BASP1: variants seen among roughly 807,000 people sequenced by gnomAD.
BASP1 encodes brain acid soluble protein 1.
A neutral mutation model predicts 2.2 loss-of-function variants in BASP1; 1 was observed. The ratio of observed to expected loss-of-function variants is 0.46; its 90% CI spans 0.16 to 2.17. The LOEUF (loss-of-function observed/expected upper bound fraction) is 2.17. Among genes scored for constraint, BASP1 ranks in the 30% most tolerant of loss-of-function variants. The pLI, the probability that BASP1 is intolerant of heterozygous loss-of-function variation, is 0.27. For missense variants in BASP1, 352 were observed against 327.2 expected (o/e 1.08, Z -0.58); for synonymous variants, 187 against 154.2 (o/e 1.21, Z -1.58).
At chr5:17,228,369 C>T (rs1005052750) in intron 1 of BASP1, among the ~76,000 whole-genome samples, 19 of 152,190 alleles carry the variant, frequency 1.2e-4, no homozygotes, top group Non-Finnish European at 2.9e-5. Flanking sequence ...GGTTCCACTA[C>T]GGTAAGAACT....
At chr5:17,229,983 C>T (rs1284959661) in intron 1 of BASP1, among the ~76,000 whole-genome samples, 1 of 152,076 alleles carries the variant, frequency 6.6e-6, no homozygotes, top group Non-Finnish European at 1.5e-5. Flanking sequence ...TAGGGTTTCA[C>T]CATCTTGGCC....
At chr5:17,231,349 A>C (rs762023790) in intron 1 of BASP1, among the ~76,000 whole-genome samples, 1 of 152,050 alleles carries the variant, frequency 6.6e-6, no homozygotes, top group Non-Finnish European at 1.5e-5. Context: ...CTCTACTTGA[A>C]GCCATTAATC....
intron 1 of BASP1, among the ~76,000 whole-genome samples, chr5:17,244,227 C>G (rs527435179): frequency 6.6e-6 from 1 of 152,250 alleles, no homozygotes; most frequent in Middle Eastern, 3.4e-3. Context: ...TAAATTAGTC[C>G]ATGCCAGTGT....
chr5:17,251,610 T>C lies in BASP1; in HGVS notation c.-9-23598T>C, dbSNP rs1389813025. On this transcript the variant is annotated intron_variant, in intron 1 of 1. Transcript: ENST00000322611. This position sits in a 1 kb window ranked among gnomAD's most constrained non-coding sequence, Gnocchi z 4.0. The stretch of plus-strand genomic sequence containing the variant: ...TCAGAAGGCCATGCAGTATTTCAGC[T>C]CATATTTTGTTTTCTAGCACCTAGC... 6.6e-6 allele frequency among the ~76,000 whole-genome samples: 1 copy of C among 152,166 alleles called. No homozygotes were observed. The highest frequency in any genetic ancestry group is 6.5e-5 in the Admixed American group (1 of 15,280).
At chr5:17,262,463 T>A (rs998225962) in intron 1 of BASP1, among the ~76,000 whole-genome samples, 1 of 152,244 alleles carries the variant, frequency 6.6e-6, no homozygotes, top group Non-Finnish European at 1.5e-5. Flanking sequence ...ATTTATCTCC[T>A]ATGTGTCTTT....
chr5:17,271,960 G>A (rs916434774), intron 1 of BASP1, among the ~76,000 whole-genome samples: 2 of 151,816 alleles, frequency 1.3e-5, no homozygotes, highest in Admixed American at 1.3e-4. Flanking sequence ...TCAGCTACTC[G>A]GGAGGCTGGG....
intron 1 of BASP1, among the ~76,000 whole-genome samples, chr5:17,262,105 A>G (rs1241855913): frequency 6.6e-6 from 1 of 151,848 alleles, no homozygotes; most frequent in Non-Finnish European, 1.5e-5. Flanking sequence ...TCTAACTCCT[A>G]CAAGAGCTGT....
intron 1 of BASP1, among the ~76,000 whole-genome samples, chr5:17,244,926 C>T (rs190574168): frequency 0.013 from 2,033 of 150,776 alleles, 37 homozygotes; most frequent in Middle Eastern, 0.076. Flanking sequence ...CCACCCGCCT[C>T]GGCCTCCCAA....
At chr5:17,237,693 C>A (rs947516837) in intron 1 of BASP1, among the ~76,000 whole-genome samples, 10 of 151,250 alleles carry the variant, frequency 6.6e-5, no homozygotes, top group African/African-American at 2.4e-4. Flanking sequence ...TCACTGTAAC[C>A]TCCACCTCTT....
chr5:17,250,850 C>T (rs941960079), intron 1 of BASP1, among the ~76,000 whole-genome samples: 7 of 151,932 alleles, frequency 4.6e-5, no homozygotes, highest in African/African-American at 1.7e-4. Context: ...GTGATCCGCC[C>T]GCCTCGGCCT....
chr5:17,265,338 A>T (rs1740398053), intron 1 of BASP1, among the ~76,000 whole-genome samples: 1 of 152,222 alleles, frequency 6.6e-6, no homozygotes, highest in Non-Finnish European at 1.5e-5. Context: ...TAAATAATGG[A>T]TGTAACCAAC....
At chr5:17,246,909 C>T (rs915134964) in intron 1 of BASP1, among the ~76,000 whole-genome samples, 5 of 152,080 alleles carry the variant, frequency 3.3e-5, no homozygotes, top group Admixed American at 1.3e-4. Context: ...GTCATTTGGC[C>T]GTTGCAGTGG....
intron 1 of BASP1, among the ~76,000 whole-genome samples, chr5:17,246,546 C>A (rs998446115): frequency 6.6e-6 from 1 of 151,952 alleles, no homozygotes; most frequent in Non-Finnish European, 1.5e-5. Context: ...GAGATGTGGC[C>A]GCCCCGAAAA....
intron 1 of BASP1, among the ~76,000 whole-genome samples, chr5:17,223,108 C>A (rs910453852): frequency 1.3e-5 from 2 of 151,368 alleles, no homozygotes; most frequent in African/African-American, 2.4e-5. Context: ...GTAGATATTT[C>A]AGCAATTTGT....
intron 1 of BASP1, among the ~76,000 whole-genome samples, chr5:17,218,325 G>A (rs535291396): frequency 3.2e-4 from 49 of 152,080 alleles, no homozygotes; most frequent in African/African-American, 1.2e-3. Context: ...TGGGGAATCT[G>A]GCCCGATCAG....
At chr5:17,234,375 C>T (rs1487213643) in intron 1 of BASP1, among the ~76,000 whole-genome samples, 1 of 151,274 alleles carries the variant, frequency 6.6e-6, no homozygotes. Context: ...CATTTGAAGC[C>T]GTAAGTAAAA....
rs1375370305 is a variant in BASP1, at chr5:17,276,051, G to C, written c.*151G>C. On this transcript the variant is annotated 3_prime_UTR_variant, in exon 2 of 2. Coordinates refer to ENST00000322611, the MANE Select transcript of BASP1 (RefSeq NM_006317.5). ...TCCTATACTAACTTGTTTCAAATTGGAAGTAATGATATGTATTGCCCAAGG... is the reference window on the plus strand; with the variant it reads ...TCCTATACTAACTTGTTTCAAATTGCAAGTAATGATATGTATTGCCCAAGG... 6.6e-6 allele frequency: 3 copies of C among 455,662 alleles called. No homozygotes were observed. The highest frequency in any genetic ancestry group is 6.4e-6 in the Non-Finnish European group (2 of 312,432). The allele number at this position is 455,662 out of a possible 1,614,324, so 28.2% of individuals were successfully genotyped here. A position where few individuals can be genotyped will look rare whatever the true frequency, so the allele number is the denominator to read the frequency against.
intron 1 of BASP1, among the ~76,000 whole-genome samples, chr5:17,245,853 A>C (rs1739974922): frequency 6.6e-6 from 1 of 152,208 alleles, no homozygotes; most frequent in South Asian, 2.1e-4. Flanking sequence ...CCTGGGATTC[A>C]GAACCAAGTC....
intron 1 of BASP1, among the ~76,000 whole-genome samples, chr5:17,233,548 T>C (rs996460969): frequency 4.6e-5 from 7 of 152,158 alleles, no homozygotes; most frequent in African/African-American, 1.7e-4. Context: ...TTTTTTATCT[T>C]AATGTTTCGA....
Sources: gnomAD v4.1 joint callset for allele counts (sites outside exome capture counted in the v4.1 genomes callset) on GRCh38, gnomAD v4.1.1 for gene constraint, Gnocchi (gnomAD v3.1) non-coding constraint, MANE v1.5 for transcripts, NCBI Gene and HGNC (gene_info 2026-07-23, HGNC 2026-07-21) for gene names.